ZBTB34: variants seen among roughly 807,000 people sequenced by gnomAD.
ZBTB34 encodes zinc finger and BTB domain containing 34.
ZBTB34 carries 1 observed loss-of-function variant against 33.4 expected under a neutral mutation model. That is an observed-to-expected ratio of 0.03 (90% CI 0.01 to 0.14). ZBTB34 has a LOEUF of 0.14. Ranked by LOEUF, ZBTB34 falls within the 10% of genes least tolerant of loss-of-function variation. ZBTB34 has a pLI of 1.00. For synonymous variants in ZBTB34, 283 were observed against 253.5 expected, an observed-to-expected ratio of 1.12 and a Z score of -1.11; for missense variants, 406 against 657.2, an observed-to-expected ratio of 0.62 and a Z score of 4.18.
At position 126,879,796 on chromosome 9, in the gene ZBTB34, A is replaced by C. The variant is rs2033408598; in HGVS notation, c.397A>C (p.Ile133Leu). 1 of 1,613,262 alleles carries C rather than the reference A, an allele frequency of 6.2e-7. No individual in the cohort carries two copies. Among genetic ancestry groups the C allele is most frequent in the African/African-American group, 1.3e-5 (1 of 74,928 alleles). The change falls in exon 2 of 2, where the codon ATC becomes CTC. Residue 133 changes from isoleucine (I) to leucine (L), a missense_variant. By Grantham distance (5) the Ile-to-Leu change is conservative. This residue lies in a region of ZBTB34 where 137 missense variants were observed against 173.0 expected (regional missense o/e 0.79). Coordinates refer to ENST00000319119, the Ensembl canonical transcript of ZBTB34. The surrounding 1 kb of genome is among the most constrained non-coding windows in gnomAD (Gnocchi z 6.4). Reference sequence around the variant, plus strand: ...GATCCTAGAGAGCATCCATTCCAAAATCAGCGTTGGAGATGTTGACTCTGT... The same window carrying C: ...GATCCTAGAGAGCATCCATTCCAAACTCAGCGTTGGAGATGTTGACTCTGT...
intron 1 of ZBTB34, among the ~76,000 whole-genome samples, chr9:126,873,337 C>T (rs1007747255): frequency 2.0e-5 from 3 of 152,132 alleles, no homozygotes; most frequent in Non-Finnish European, 2.9e-5. Flanking sequence ...AATCTCAGCT[C>T]ATTGTAACCT....
At chr9:126,882,217 A>G (rs891774028) in exon 2 of ZBTB34, 2 of 167,058 alleles carry the variant, frequency 1.2e-5, no homozygotes, top group Non-Finnish European at 2.9e-5. Context: ...TCTGTGTGTC[A>G]CCAAATCTGT....
chr9:126,867,281 T>G lies in ZBTB34; in HGVS notation c.-11+6542T>G, dbSNP rs1232404385. On this transcript the variant is annotated intron_variant, in intron 1 of 1. Transcript: ENST00000319119. The stretch of plus-strand genomic sequence containing the variant: ...TAAATGCCTTTTACATTTTGATAGA[T>G]ATTACCAAATTATTCATTCCTGAGG... 2.6e-5 allele frequency among the ~76,000 whole-genome samples: 4 copies of G among 152,052 alleles called. 1 individual carries two copies. The highest frequency in any genetic ancestry group is 3.9e-4 in the East Asian group (2 of 5,194).
At chr9:126,884,294 G>A (rs1227531069) in exon 2 of ZBTB34, 1 of 166,974 alleles carries the variant, frequency 6.0e-6, no homozygotes, top group Non-Finnish European at 1.5e-5. Flanking sequence ...GTTTTAAACA[G>A]TTATTTTCAT....
exon 2 of ZBTB34, chr9:126,883,403 C>T (rs2033473024): frequency 6.0e-6 from 1 of 167,116 alleles, no homozygotes; most frequent in Admixed American, 6.5e-5. Flanking sequence ...CGGGCACTTC[C>T]AGCGTCCTGG....
chr9:126,868,953 A>G (rs1228039479), intron 1 of ZBTB34, among the ~76,000 whole-genome samples: 1 of 152,070 alleles, frequency 6.6e-6, no homozygotes, highest in Non-Finnish European at 1.5e-5. Context: ...GGAGGGCATG[A>G]TACACGGTGG....
intron 1 of ZBTB34, among the ~76,000 whole-genome samples, chr9:126,870,935 A>G (rs1220260270): frequency 6.6e-6 from 1 of 152,098 alleles, no homozygotes; most frequent in Non-Finnish European, 1.5e-5. Context: ...TCAAAAAAAA[A>G]AAAGCAGCAC....
chr9:126,877,232 T>G (rs1033364685), intron 1 of ZBTB34, among the ~76,000 whole-genome samples: 4 of 152,144 alleles, frequency 2.6e-5, no homozygotes, highest in Non-Finnish European at 5.9e-5. Flanking sequence ...ACAGAAAAGG[T>G]GAGAAAATTT....
intron 1 of ZBTB34, among the ~76,000 whole-genome samples, chr9:126,877,474 G>T (rs1296466203): frequency 6.6e-6 from 1 of 152,122 alleles, no homozygotes; most frequent in Non-Finnish European, 1.5e-5. Flanking sequence ...TTACATTTCT[G>T]TTGGTCAGGT....
chr9:126,874,244 G>T (rs1465291767), intron 1 of ZBTB34, among the ~76,000 whole-genome samples: 2 of 150,016 alleles, frequency 1.3e-5, no homozygotes, highest in East Asian at 3.9e-4. Context: ...TAGAGATGGG[G>T]TTTCACCGTG....
At chr9:126,868,325 C>T (rs1262911382) in intron 1 of ZBTB34, among the ~76,000 whole-genome samples, 4 of 152,150 alleles carry the variant, frequency 2.6e-5, no homozygotes, top group Non-Finnish European at 4.4e-5. Flanking sequence ...CATATGGTCT[C>T]GCATCAGACC....
Position 126,877,050 on chromosome 9 carries a change from G to GTTATTTCCTACT in ZBTB34, c.-10-2340_-10-2339insTTATTTCCTACT, listed in dbSNP as rs1266074741. On this transcript the variant is annotated intron_variant, in intron 1 of 1. Coordinates refer to ENST00000319119, the Ensembl canonical transcript of ZBTB34. ...TATTAGTTATTTTCCTACTGTCTTT[G>GTTATTTCCTACT]GGCATCATTTGTTTTTCCTTTTCTG... Among the ~76,000 whole-genome samples, 11 of 152,176 alleles carry GTTATTTCCTACT rather than the reference G, an allele frequency of 7.2e-5. No homozygotes were observed. The East Asian group carries it at 2.1e-3, about 29-fold the overall frequency.
intron 1 of ZBTB34, among the ~76,000 whole-genome samples, chr9:126,872,551 C>G (rs2033294665): frequency 6.6e-6 from 1 of 152,168 alleles, no homozygotes; most frequent in Admixed American, 6.5e-5. Flanking sequence ...GATAGAGGAT[C>G]ATATTTGAAC....
At chr9:126,869,138 C>G (rs1016347041) in intron 1 of ZBTB34, among the ~76,000 whole-genome samples, 1 of 152,068 alleles carries the variant, frequency 6.6e-6, no homozygotes, top group African/African-American at 2.4e-5. Context: ...TACTAAAATG[C>G]CCTCATTTGC....
At chr9:126,867,126 CTTTTT>C (rs201393295) in intron 1 of ZBTB34, among the ~76,000 whole-genome samples, 3 of 128,568 alleles carry the variant, frequency 2.3e-5, no homozygotes, top group Admixed American at 7.8e-5. Flanking sequence ...TTGGGGGTTC[CTTTTT>C]TTTTTTTTTT....
chr9:126,879,720 G>T lies in ZBTB34; in HGVS notation c.321G>T (p.Leu107=). The T allele has an allele frequency of 6.2e-7, 1 of 1,613,536 alleles. No individual in the cohort carries two copies. Among genetic ancestry groups the T allele is most frequent in the Non-Finnish European group, 8.5e-7 (1 of 1,179,896 alleles). The change falls in exon 2 of 2, where the codon CTG becomes CTT. Residue 107 remains leucine (L), a synonymous_variant. Transcript: ENST00000319119. The surrounding 1 kb of genome is among the most constrained non-coding windows in gnomAD (Gnocchi z 6.4). ...AGCTGAAGGATGTTGTCAGTTTTCT[G>T]ACTGCAGCCAGCTTTCTTCAGATGC...
chr9:126,870,531 T>TA (rs1485097546), intron 1 of ZBTB34, among the ~76,000 whole-genome samples: 1 of 152,054 alleles, frequency 6.6e-6, no homozygotes, highest in African/African-American at 2.4e-5. Context: ...GACAAATCAA[T>TA]AAAAAAGGCA....
chr9:126,874,393 G>GTGTTT (rs1158420296), intron 1 of ZBTB34, among the ~76,000 whole-genome samples: 42 of 151,992 alleles, frequency 2.8e-4, no homozygotes, highest in African/African-American at 7.7e-4. Flanking sequence ...TTCTACCTCG[G>GTGTTT]TGTTTTGTTT....
chr9:126,880,988 G>C lies in ZBTB34; in HGVS notation c.*74G>C, dbSNP rs2033432476. ...TGTGATTTGCTTTGTTGTAATCTTT[G>C]GTTTTCCCAACCATCTGGAAATCTC... is the stretch of plus-strand genomic sequence containing the variant. On this transcript the variant is annotated 3_prime_UTR_variant, in exon 2 of 2. Coordinates refer to ENST00000319119, the Ensembl canonical transcript of ZBTB34. This position sits in a 1 kb window ranked among gnomAD's most constrained non-coding sequence, Gnocchi z 6.7. 6.9e-7 allele frequency: 1 copy of C among 1,458,588 alleles called. No individual in the cohort carries two copies. Among genetic ancestry groups the C allele is most frequent in the Non-Finnish European group, 9.2e-7 (1 of 1,091,680 alleles). The allele number at this position is 1,458,588 out of a possible 1,614,324, so 90.4% of individuals were successfully genotyped here.
Sources: gnomAD v4.1 joint callset for allele counts (sites outside exome capture counted in the v4.1 genomes callset) on GRCh38, gnomAD v4.1.1 for gene constraint, gnomAD v4.1.1 regional missense constraint, Gnocchi (gnomAD v3.1) non-coding constraint, MANE v1.5 for transcripts, NCBI Gene and HGNC (gene_info 2026-07-23, HGNC 2026-07-21) for gene names.